Variants in ZNF569 observed in about 807,000 individuals in gnomAD.
ZNF569 encodes zinc finger protein 569.
A neutral mutation model predicts 56.3 loss-of-function variants in ZNF569; 38 were observed. The observed-to-expected ratio is 0.68, with a 90% CI of 0.52 to 0.88. The LOEUF is 0.88. Among genes scored for constraint, ZNF569 ranks in the 40% least tolerant of loss-of-function variants. The pLI is 0.00. For synonymous variants in ZNF569, 241 were observed against 262.9 expected (o/e 0.92, Z 0.81); for missense variants, 666 against 809.2 (o/e 0.82, Z 2.15).
intron 2 of ZNF569, among the ~76,000 whole-genome samples, chr19:37,460,938 A>G (rs981347433): frequency 6.6e-6 from 1 of 152,198 alleles, no homozygotes; most frequent in Non-Finnish European, 1.5e-5. Context: ...CAAAAAGAAA[A>G]TAAGTGCAGT....
chr19:37,451,333 G>T (rs1481104927), intron 2 of ZNF569, among the ~76,000 whole-genome samples: 2 of 151,456 alleles, frequency 1.3e-5, no homozygotes, highest in African/African-American at 4.9e-5. Flanking sequence ...CCGGGAGGCG[G>T]AGGTTGCAGT....
At chr19:37,439,173 C>A (rs570845021) in intron 3 of ZNF569, among the ~76,000 whole-genome samples, 1 of 152,252 alleles carries the variant, frequency 6.6e-6, no homozygotes, top group Admixed American at 6.5e-5. Context: ...CGGGTTCAAG[C>A]GATTCTCCTG....
At chr19:37,418,666 T>A (rs1463704124) in intron 5 of ZNF569, among the ~76,000 whole-genome samples, 2 of 152,052 alleles carry the variant, frequency 1.3e-5, no homozygotes. Flanking sequence ...ACAGGGGCCC[T>A]AAAAAATAAC....
Position 37,425,318 on chromosome 19 carries a change from A to T in ZNF569, c.238+550T>A, listed in dbSNP as rs78881289. Among the ~76,000 whole-genome samples, 828 of 104,194 alleles carry T rather than the reference A, an allele frequency of 7.9e-3. 1 individual carries two copies. The highest frequency in any genetic ancestry group is 0.012 in the Non-Finnish European group (637 of 54,270). 68.4% of individuals were successfully genotyped at this position (104,194 alleles called of 152,430 possible). ...AAGCGTATGCCACCACACGTGGCTA[A>T]TTTTTTTTTTTTTTTTTTTTTTTGA... On this transcript the variant is annotated intron_variant, in intron 5 of 5. Transcript: ENST00000316950.
chr19:37,442,530 G>C lies in ZNF569; in HGVS notation c.15+2377C>G, dbSNP rs570975401. On this transcript the variant is annotated intron_variant, in intron 3 of 5. Coordinates refer to ENST00000316950, the MANE Select transcript of ZNF569 (RefSeq NM_152484.3). ...TTCCACATGTAAAGGAAAGACACTA[G>C]ATGGTATTAAGCAGAGAAGTCATAA... Among the ~76,000 whole-genome samples the C allele has an allele frequency of 5.9e-5, 9 of 152,312 alleles. No homozygotes were observed. The South Asian group carries it at 1.7e-3, about 28-fold the overall frequency.
chr19:37,467,511 T>G (rs2041868138), upstream of ZNF569: 2 of 258,584 alleles, frequency 7.7e-6, no homozygotes, highest in East Asian at 1.6e-4. Context: ...AAAAGGCACT[T>G]CCTTCTTACA....
intron 3 of ZNF569, among the ~76,000 whole-genome samples, chr19:37,440,166 C>T (rs1234926798): frequency 1.3e-5 from 2 of 151,810 alleles, no homozygotes; most frequent in East Asian, 3.9e-4. Context: ...TAAATGTATA[C>T]CTCATACATG....
intron 2 of ZNF569, among the ~76,000 whole-genome samples, chr19:37,450,915 C>G (rs933339707): frequency 3.7e-4 from 56 of 152,108 alleles, no homozygotes; most frequent in Non-Finnish European, 5.1e-4. Context: ...CAATATACTT[C>G]TGGATTTCTT....
chr19:37,424,985 T>C (rs370516725), intron 5 of ZNF569, among the ~76,000 whole-genome samples: 8 of 151,300 alleles, frequency 5.3e-5, no homozygotes, highest in African/African-American at 1.7e-4. Context: ...CAGGGTGTGG[T>C]GGCACGTGCC....
chr19:37,455,140 A>T, intron 2 of ZNF569: 1 of 367,400 alleles, frequency 2.7e-6, no homozygotes, highest in South Asian at 7.3e-5. Flanking sequence ...TTATTTTGTC[A>T]TGGGGCTCAA....
intron 5 of ZNF569, among the ~76,000 whole-genome samples, chr19:37,422,498 G>A (rs1005201175): frequency 6.6e-6 from 1 of 152,200 alleles, no homozygotes; most frequent in Non-Finnish European, 1.5e-5. Flanking sequence ...TTGCAAGAAT[G>A]TGACACAGAC....
intron 5 of ZNF569, among the ~76,000 whole-genome samples, chr19:37,418,124 A>ATAATAATAATAG (rs2040966791): frequency 6.7e-6 from 1 of 150,044 alleles, no homozygotes; most frequent in Admixed American, 6.7e-5. Context: ...AATAATAATA[A>ATAATAATAATAG]TAATAATAAT....
intron 5 of ZNF569, among the ~76,000 whole-genome samples, chr19:37,417,013 GC>G (rs1332883332): frequency 1.3e-5 from 2 of 152,242 alleles, no homozygotes; most frequent in East Asian, 1.9e-4. Flanking sequence ...AATAAGAGAA[GC>G]CCCCATGCGA....
Position 37,413,077 on chromosome 19 carries a change from A to C in ZNF569, c.1581T>G (p.Cys527Trp), listed in dbSNP as rs1243028727. Residue 527 changes from cysteine to tryptophan, a missense_variant, in exon 6 of 6, where the codon TGT becomes TGG. Transcript: ENST00000316950. ...ATGCAATTTGAGAGAAGGCTTTACC[A>C]CATTCATTACAATCATAAGGTTTCT... ...TGEKPYDCNE[C>W]GKAFSQIASL... The C allele has an allele frequency of 1.5e-5, 24 of 1,613,968 alleles. No individual in the cohort carries two copies. Among genetic ancestry groups the C allele is most frequent in the Non-Finnish European group, 2.0e-5 (24 of 1,179,910 alleles).
At chr19:37,419,871 G>A (rs2041000438) in intron 5 of ZNF569, among the ~76,000 whole-genome samples, 1 of 151,920 alleles carries the variant, frequency 6.6e-6, no homozygotes, top group South Asian at 2.1e-4. Flanking sequence ...TTTGCTGATA[G>A]GTGTCTTCCT....
chr19:37,433,063 C>T (rs1382392913), intron 3 of ZNF569, among the ~76,000 whole-genome samples: 3 of 152,070 alleles, frequency 2.0e-5, no homozygotes, highest in Admixed American at 2.0e-4. Flanking sequence ...GCCACCATAC[C>T]TAACTAAGTT....
rs1453291176 is a variant in ZNF569, at chr19:37,412,929, G to T, written c.1729C>A (p.Pro577Thr). 6.2e-7 allele frequency: 1 copy of T among 1,613,958 alleles called. No individual in the cohort carries two copies. Among genetic ancestry groups the T allele is most frequent in the Non-Finnish European group, 8.5e-7 (1 of 1,179,934 alleles). The change falls in exon 6 of 6, where the codon CCC (proline) becomes ACC (threonine). Residue 577 changes from proline (P) to threonine (T), a missense_variant. By Grantham distance (38) the Pro-to-Thr change is conservative. Transcript: ENST00000316950. ...TTCCCACATTCATTACATACATAGG[G>T]CTTCTCACCTGTGTGACTTCTCATA... ...LHMRSHTGEK[P>T]YVCNECGKAF...
At chr19:37,430,900 AT>A (rs2041215354) in intron 3 of ZNF569, among the ~76,000 whole-genome samples, 1 of 152,216 alleles carries the variant, frequency 6.6e-6, no homozygotes, top group South Asian at 2.1e-4. Context: ...GACCAGAGTG[AT>A]TGCAGGACTT....
intron 2 of ZNF569, among the ~76,000 whole-genome samples, chr19:37,449,732 G>A (rs1332376871): frequency 2.0e-5 from 3 of 151,254 alleles, no homozygotes; most frequent in Non-Finnish European, 4.4e-5. Flanking sequence ...TTTAAAATGG[G>A]TATCTTAGGC....
Sources: allele counts gnomAD v4.1 joint callset (sites outside exome capture counted in the v4.1 genomes callset), GRCh38; gene constraint gnomAD v4.1.1; transcripts MANE v1.5; gene names NCBI Gene and HGNC (gene_info 2026-07-23, HGNC 2026-07-21).